The following BSDC1 variants were observed in gnomAD, a reference collection of about 807,000 sequenced individuals.
The protein encoded by BSDC1 is BSD domain containing 1, also known as BSD domain-containing protein 1.
A neutral mutation model predicts 56.0 loss-of-function variants in BSDC1; 29 were observed. The ratio of observed to expected loss-of-function variants is 0.52; its 90% CI spans 0.39 to 0.71. BSDC1 has a LOEUF of 0.71. Ranked by LOEUF, BSDC1 falls within the 30% of genes least tolerant of loss-of-function variation. The pLI is 0.00. For synonymous variants in BSDC1, 210 were observed against 215.3 expected (o/e 0.98, Z 0.21); for missense variants, 477 against 548.5 (o/e 0.87, Z 1.30).
chr1:32,387,633 G>C (rs1038074484), intron 2 of BSDC1, among the ~76,000 whole-genome samples: 4 of 152,180 alleles, frequency 2.6e-5, no homozygotes, highest in African/African-American at 9.7e-5. Flanking sequence ...GAGCCACCCA[G>C]CCTAAGGCAT....
chr1:32,369,298 A>T (rs1472145958), intron 9 of BSDC1: 2 of 1,289,670 alleles, frequency 1.6e-6, no homozygotes, highest in Non-Finnish European at 2.0e-6. Context: ...GAGTCACAGA[A>T]ATCTTCCAGA....
At chr1:32,394,200 C>T in intron 1 of BSDC1, 60 bp from the exon 2 acceptor site, 1 of 1,582,820 alleles carries the variant, frequency 6.3e-7, no homozygotes, top group Non-Finnish European at 8.6e-7. Context: ...CCCAAGGATC[C>T]GGTTTGTTCC....
intron 10 of BSDC1, chr1:32,367,550 CAT>C (rs1641897270): frequency 1.0e-6 from 1 of 985,324 alleles, no homozygotes; most frequent in Admixed American, 6.1e-5. Flanking sequence ...TGGAAGGACT[CAT>C]GTGGTTCTTA....
At chr1:32,394,021 G>A in intron 2 of BSDC1, 59 bp downstream of exon 2, 1 of 1,554,838 alleles carries the variant, frequency 6.4e-7, no homozygotes, top group South Asian at 1.2e-5. Flanking sequence ...GGTTGGACCA[G>A]GTTGCATTGA....
intron 8 of BSDC1, among the ~76,000 whole-genome samples, chr1:32,377,134 T>G (rs545346404): frequency 1.3e-5 from 2 of 151,302 alleles, no homozygotes; most frequent in South Asian, 4.2e-4. Flanking sequence ...AGACTCTGCC[T>G]CAAAACGAAA....
At chr1:32,368,182 T>A (rs957679064) in intron 10 of BSDC1, 4 of 1,435,790 alleles carry the variant, frequency 2.8e-6, no homozygotes, top group Non-Finnish European at 3.6e-6. Flanking sequence ...TGACATCTGT[T>A]TTCTTAAGCA....
chr1:32,378,389 T>G lies in BSDC1; in HGVS notation c.529-106A>C. 2.7e-6 allele frequency: 3 copies of G among 1,126,936 alleles called. No homozygotes were observed. The highest frequency in any genetic ancestry group is 4.0e-6 in the Non-Finnish European group (3 of 757,678). 69.8% of individuals were successfully genotyped at this position (1,126,936 alleles called of 1,614,324 possible). A position where few individuals can be genotyped will look rare whatever the true frequency, so the allele number is the denominator to read the frequency against. The stretch of plus-strand genomic sequence containing the variant: ...CAGCCAGTCTGGATTTCAGACCCAG[T>G]AAGTGGCTTAGCAGTGACAGTCAGA... On this transcript the variant is annotated intron_variant, in intron 6 of 10. Coordinates refer to ENST00000455895, the MANE Select transcript of BSDC1 (RefSeq NM_018045.8). The surrounding 1 kb of genome is among the most constrained non-coding windows in gnomAD (Gnocchi z 5.2).
At position 32,377,317 on chromosome 1, in the gene BSDC1, G is replaced by A. The variant is rs184352577; in HGVS notation, c.677-576C>T. Among the ~76,000 whole-genome samples the A allele has an allele frequency of 4.6e-5, 7 of 152,284 alleles. No homozygotes were observed. In the East Asian group the frequency reaches 1.3e-3, roughly 29 times the overall value. On this transcript the variant is annotated intron_variant, in intron 8 of 10. Coordinates refer to ENST00000455895, the MANE Select transcript of BSDC1 (RefSeq NM_018045.8). ...TTAGAAAGCCAAGGCTCAGAAGTGA[G>A]TCAGTTTTGGGTTCAGGTTGGACTC...
chr1:32,377,010 C>T (rs1051612232), intron 8 of BSDC1, among the ~76,000 whole-genome samples: 3 of 152,166 alleles, frequency 2.0e-5, no homozygotes, highest in Admixed American at 6.5e-5. Flanking sequence ...GTGGCACGTG[C>T]CTGTAATCCC....
At chr1:32,377,944 G>A (rs2148123287) in intron 8 of BSDC1, 26 bp downstream of exon 8, 10 of 1,597,948 alleles carry the variant, frequency 6.3e-6, no homozygotes, top group Non-Finnish European at 8.5e-6. Context: ...TGTGACACTT[G>A]CCCCTCACCT....
At chr1:32,391,104 G>A (rs1019974050) in intron 2 of BSDC1, among the ~76,000 whole-genome samples, 4 of 151,972 alleles carry the variant, frequency 2.6e-5, no homozygotes, top group Non-Finnish European at 5.9e-5. Context: ...CAAAAGCAAC[G>A]TCTGGAGAAG....
rs188758170 is a variant in BSDC1 at position 32,377,356 on chromosome 1, G to A, written c.676+614C>T. 7.4e-4 allele frequency among the ~76,000 whole-genome samples: 113 copies of A among 152,306 alleles called. 1 individual carries two copies. Among genetic ancestry groups the A allele is most frequent in the Admixed American group, 6.1e-3 (93 of 15,304 alleles). On this transcript the variant is annotated intron_variant, in intron 8 of 10. Coordinates refer to ENST00000455895, the MANE Select transcript of BSDC1 (RefSeq NM_018045.8). ...CAGGTTGGACTCTGCTACATCCTAG[G>A]TGTATGATTGGGCAAGCCACCTAAC...
At chr1:32,372,777 C>T (rs1642140275) in intron 9 of BSDC1, among the ~76,000 whole-genome samples, 1 of 152,216 alleles carries the variant, frequency 6.6e-6, no homozygotes, top group Admixed American at 6.5e-5. Context: ...AGTGCTGTCA[C>T]TCACAGCTCA....
chr1:32,388,126 C>T (rs1213938252), intron 2 of BSDC1, among the ~76,000 whole-genome samples: 1 of 152,162 alleles, frequency 6.6e-6, no homozygotes, highest in East Asian at 1.9e-4. Flanking sequence ...TGGCCACTCC[C>T]CCTGCAAGCC....
At chr1:32,373,759 C>T (rs1003932981) in intron 9 of BSDC1, among the ~76,000 whole-genome samples, 1 of 152,026 alleles carries the variant, frequency 6.6e-6, no homozygotes, top group Admixed American at 6.6e-5. Flanking sequence ...TGGGCTCAAG[C>T]GATCCACCTG....
intron 4 of BSDC1, among the ~76,000 whole-genome samples, chr1:32,382,466 A>G (rs967711736): frequency 5.3e-5 from 8 of 151,330 alleles, no homozygotes; most frequent in African/African-American, 1.9e-4. Context: ...CCTATTTCAA[A>G]AAAAAAACAA....
chr1:32,368,848 G>A (rs768752598), intron 9 of BSDC1, among the ~76,000 whole-genome samples: 5 of 152,116 alleles, frequency 3.3e-5, no homozygotes, highest in South Asian at 2.1e-4. Flanking sequence ...ACAGGCGCAC[G>A]CCCCACACAC....
At chr1:32,394,382 A>G (rs772090721) in intron 1 of BSDC1, 22 bp downstream of exon 1, 3 of 1,614,060 alleles carry the variant, frequency 1.9e-6, no homozygotes, top group Non-Finnish European at 2.5e-6. Context: ...CCCAACGCCT[A>G]GGAGCAAAAC....
At chr1:32,392,581 A>T (rs1054175116) in intron 2 of BSDC1, among the ~76,000 whole-genome samples, 1 of 152,162 alleles carries the variant, frequency 6.6e-6, no homozygotes. Flanking sequence ...CTGCTGAATG[A>T]ATGTCAGACT....
Sources: allele counts gnomAD v4.1 joint callset (sites outside exome capture counted in the v4.1 genomes callset), GRCh38; gene constraint gnomAD v4.1.1; non-coding constraint Gnocchi (gnomAD v3.1); transcripts MANE v1.5; gene names NCBI Gene and HGNC (gene_info 2026-07-23, HGNC 2026-07-21).